The following ANKRD13B variants were observed in gnomAD, a reference collection of about 807,000 sequenced individuals.
ANKRD13B encodes ankyrin repeat domain-containing protein 13B.
ANKRD13B carries 33 observed loss-of-function variants against 74.4 expected under a neutral mutation model. The ratio of observed to expected loss-of-function variants is 0.44; its 90% CI spans 0.34 to 0.59. The LOEUF (loss-of-function observed/expected upper bound fraction) is 0.59, where lower values mean the gene tolerates loss of function less well. ANKRD13B is among the 20% of genes least tolerant of loss of function. The probability of loss-of-function intolerance (pLI) is 0.02; values close to 1 mark genes in which losing one functional copy is unlikely to be tolerated. For missense variants in ANKRD13B, 676 were observed against 877.9 expected, an observed-to-expected ratio of 0.77 and a Z score of 2.91; for synonymous variants, 341 against 362.9, an observed-to-expected ratio of 0.94 and a Z score of 0.68.
chr17:29,612,598 G>C lies in ANKRD13B; in HGVS notation c.1411+44G>C. 1.3e-6 allele frequency: 2 copies of C among 1,523,774 alleles called. No homozygotes were observed. Among genetic ancestry groups the C allele is most frequent in the Non-Finnish European group, 1.8e-6 (2 of 1,137,660 alleles). 94.4% of individuals were successfully genotyped at this position (1,523,774 alleles called of 1,614,324 possible). A position where few individuals can be genotyped will look rare whatever the true frequency, so the allele number is the denominator to read the frequency against. On this transcript the variant is annotated intron_variant, in intron 12 of 14. Transcript: ENST00000394859. The surrounding 1 kb of genome is among the most constrained non-coding windows in gnomAD (Gnocchi z 6.1). ...ACGCCTGCCCCTCGGCTCTCCCCGG[G>C]GTGGGTGGGAGGGGCGCGCCCGGCC...
rs1241023447 is a variant in ANKRD13B at position 29,614,362 on chromosome 17, C to G, written c.*780C>G. Reference sequence around the variant, plus strand: ...TATTGGGCTGGGGTAAGCACTAGACCCAAGTAGACTGGACACAAAGGGCTC... The same window carrying G: ...TATTGGGCTGGGGTAAGCACTAGACGCAAGTAGACTGGACACAAAGGGCTC... On this transcript the variant is annotated 3_prime_UTR_variant, in exon 15 of 15. Coordinates refer to ENST00000394859, the MANE Select transcript of ANKRD13B (RefSeq NM_152345.5). 6.6e-6 allele frequency: 1 copy of G among 152,346 alleles called. No homozygotes were observed. Among genetic ancestry groups the G allele is most frequent in the Non-Finnish European group, 1.5e-5 (1 of 68,098 alleles). 9.4% of individuals were successfully genotyped at this position (152,346 alleles called of 1,614,324 possible).
chr17:29,605,805 A>G (rs2150890426), intron 1 of ANKRD13B, among the ~76,000 whole-genome samples: 1 of 152,084 alleles, frequency 6.6e-6, no homozygotes, highest in East Asian at 1.9e-4. Context: ...CTCATTGTTT[A>G]TGGTGGCAGA....
chr17:29,610,190 T>TAA (rs770944356), intron 7 of ANKRD13B, among the ~76,000 whole-genome samples: 9 of 95,520 alleles, frequency 9.4e-5, no homozygotes, highest in Non-Finnish European at 8.4e-5. Flanking sequence ...AGACTCCATC[T>TAA]AAAAAAAAAA....
Position 29,612,689 on chromosome 17 carries a change from C to T in ANKRD13B, c.1449C>T (p.Phe483=), listed in dbSNP as rs1336820028. Residue 483 remains phenylalanine (F), a synonymous_variant, in exon 13 of 15, where the codon TTC becomes TTT. Transcript: ENST00000394859. The surrounding 1 kb of genome is among the most constrained non-coding windows in gnomAD (Gnocchi z 6.1). The stretch of plus-strand genomic sequence containing the variant: ...GCTGCGAGATCTCCCCAGCGTTGTT[C>T]GAGGCCCCGCGCGGCTACAGCATGA... ...CRGCEISPAL[F]EAPRGYSMMG... The T allele has an allele frequency of 6.3e-7, 1 of 1,589,996 alleles. No individual in the cohort carries two copies. Among genetic ancestry groups the T allele is most frequent in the South Asian group, 1.1e-5 (1 of 88,656 alleles).
Position 29,608,551 on chromosome 17 carries a change from A to C in ANKRD13B, c.422-300A>C. 1 of 574,412 alleles carries C rather than the reference A, an allele frequency of 1.7e-6. No homozygotes were observed. Among genetic ancestry groups the C allele is most frequent in the South Asian group, 2.3e-5 (1 of 44,222 alleles). 35.6% of individuals were successfully genotyped at this position (574,412 alleles called of 1,614,324 possible). On this transcript the variant is annotated intron_variant, in intron 4 of 14. Transcript: ENST00000394859. The surrounding 1 kb of genome is among the most constrained non-coding windows in gnomAD (Gnocchi z 6.4). ...TGTATTCCCAGTGGCTGGAACACTC[A>C]GTAGGTGTTTCATAAATATTTGTTG...
intron 1 of ANKRD13B, among the ~76,000 whole-genome samples, chr17:29,597,560 G>T (rs975799739): frequency 1.3e-5 from 2 of 152,166 alleles, no homozygotes; most frequent in Non-Finnish European, 2.9e-5. Context: ...CGTTCTCTTG[G>T]TGGGGAGGGC....
chr17:29,593,698 G>T lies in ANKRD13B; in HGVS notation c.77G>T (p.Arg26Leu). The change falls in exon 1 of 15, where the codon CGC becomes CTC. Residue 26 changes from arginine (R) to leucine (L), a missense_variant. By Grantham distance (102) the Arg-to-Leu change is moderately radical (BLOSUM62 -2). Coordinates refer to ENST00000394859, the MANE Select transcript of ANKRD13B (RefSeq NM_152345.5). ...YPLHYLVWHNRHRELEKEVRA... is the reference protein window; with the variant it reads ...YPLHYLVWHNLHRELEKEVRA... ...CTGCACTACCTCGTGTGGCACAACCGCCACCGCGAGCTGGAGAAGGAGGTC... is the reference window on the plus strand; with the variant it reads ...CTGCACTACCTCGTGTGGCACAACCTCCACCGCGAGCTGGAGAAGGAGGTC... 6.9e-7 allele frequency: 1 copy of T among 1,439,392 alleles called. No individual in the cohort carries two copies. Among genetic ancestry groups the T allele is most frequent in the Non-Finnish European group, 9.2e-7 (1 of 1,087,094 alleles). 89.2% of individuals were successfully genotyped at this position (1,439,392 alleles called of 1,614,324 possible).
chr17:29,611,172 C>T lies in ANKRD13B; in HGVS notation c.904+406C>T, dbSNP rs1347510725. The stretch of plus-strand genomic sequence containing the variant: ...TTCTCTGGGTACCAGATACCGTGTC[C>T]GAGGTGAAAAAGCATAATTTCTACC... On this transcript the variant is annotated intron_variant, in intron 8 of 14. Transcript: ENST00000394859. The surrounding 1 kb of genome is among the most constrained non-coding windows in gnomAD (Gnocchi z 4.3). Among the ~76,000 whole-genome samples, 3 of 152,074 alleles carry T rather than the reference C, an allele frequency of 2.0e-5. No homozygotes were observed. The highest frequency in any genetic ancestry group is 4.4e-5 in the Non-Finnish European group (3 of 68,022).
Position 29,612,335 on chromosome 17 carries a change from C to A in ANKRD13B, c.1258+62C>A, listed in dbSNP as rs936413691. On this transcript the variant is annotated intron_variant, in intron 11 of 14. Transcript: ENST00000394859. This position sits in a 1 kb window ranked among gnomAD's most constrained non-coding sequence, Gnocchi z 6.1. The stretch of plus-strand genomic sequence containing the variant: ...GGGCCGACCGGGGTTTAGATGAGGT[C>A]GGGGTGGGGCTGAGGCTGAGGTGTG... 7.4e-6 allele frequency: 12 copies of A among 1,610,968 alleles called. No homozygotes were observed. The highest frequency in any genetic ancestry group is 1.0e-5 in the Non-Finnish European group (12 of 1,177,870).
At chr17:29,601,913 T>G (rs1317300001) in intron 1 of ANKRD13B, among the ~76,000 whole-genome samples, 2 of 152,242 alleles carry the variant, frequency 1.3e-5, no homozygotes, top group Non-Finnish European at 2.9e-5. Context: ...CCATACATAA[T>G]GGACCTCATT....
rs368225471 is a variant in ANKRD13B, at chr17:29,609,766, G to A, written c.822+345G>A. 1.3e-5 allele frequency among the ~76,000 whole-genome samples: 2 copies of A among 152,110 alleles called. No homozygotes were observed. Among genetic ancestry groups the A allele is most frequent in the African/African-American group, 4.8e-5 (2 of 41,416 alleles). On this transcript the variant is annotated intron_variant, in intron 7 of 14. Coordinates refer to ENST00000394859, the MANE Select transcript of ANKRD13B (RefSeq NM_152345.5). This position sits in a 1 kb window ranked among gnomAD's most constrained non-coding sequence, Gnocchi z 4.0. Reference sequence around the variant, plus strand: ...ACAACCCCAGGAAGTAGGGATGATCGGTCCATTTTATGATGAGGAAATAGA... The same window carrying A: ...ACAACCCCAGGAAGTAGGGATGATCAGTCCATTTTATGATGAGGAAATAGA...
At chr17:29,595,654 AC>A (rs2033926979) in intron 1 of ANKRD13B, among the ~76,000 whole-genome samples, 1 of 152,082 alleles carries the variant, frequency 6.6e-6, no homozygotes, top group African/African-American at 2.4e-5. Context: ...TGCCTCAGAA[AC>A]AAGGTCCCAG....
rs181271605 is a variant in ANKRD13B, at chr17:29,595,750, G to C, written c.114+2015G>C. 4.7e-3 allele frequency among the ~76,000 whole-genome samples: 715 copies of C among 152,270 alleles called. 6 individuals carry two copies. Among genetic ancestry groups the C allele is most frequent in the South Asian group, 4.1e-3 (20 of 4,826 alleles). ...CTGGATCCAGGCCAGGGGGAATATA[G>C]GGCACTGGTGGAGGTTAACCCTTGT... On this transcript the variant is annotated intron_variant, in intron 1 of 14. Transcript: ENST00000394859.
At chr17:29,599,186 C>T (rs1257656656) in intron 1 of ANKRD13B, among the ~76,000 whole-genome samples, 1 of 152,136 alleles carries the variant, frequency 6.6e-6, no homozygotes, top group African/African-American at 2.4e-5. Context: ...CTGGAGGATC[C>T]TGGAGAACGT....
rs111684891 is a variant in ANKRD13B at position 29,610,656 on chromosome 17, T to C, written c.823-29T>C. The C allele has an allele frequency of 3.0e-3, 4,821 of 1,610,804 alleles. 68 individuals are homozygous for C. The African/African-American group carries it at 0.039, about 13-fold the overall frequency. ...AGACACAGGGTAAGACCAGAACTGC[T>C]TATGAGCCCTTTCTTCATCTGTCCC... On this transcript the variant is annotated intron_variant, in intron 7 of 14. Coordinates refer to ENST00000394859, the MANE Select transcript of ANKRD13B (RefSeq NM_152345.5).
chr17:29,599,874 T>TTTTTG (rs2034095836), intron 1 of ANKRD13B, among the ~76,000 whole-genome samples: 1 of 116,818 alleles, frequency 8.6e-6, no homozygotes, highest in African/African-American at 3.8e-5. Context: ...TGTTTTTTTT[T>TTTTTG]TTTTTTTTTT....
At chr17:29,606,535 G>A (rs937774806) in intron 1 of ANKRD13B, among the ~76,000 whole-genome samples, 11 of 151,628 alleles carry the variant, frequency 7.3e-5, no homozygotes, top group African/African-American at 2.7e-4. Flanking sequence ...TCTAGCCTGG[G>A]TGACACAGTG....
In ANKRD13B at chr17:29,612,566, C is replaced by T; in HGVS notation, c.1411+12C>T. On this transcript the variant is annotated intron_variant, in intron 12 of 14. Coordinates refer to ENST00000394859, the MANE Select transcript of ANKRD13B (RefSeq NM_152345.5). This position sits in a 1 kb window ranked among gnomAD's most constrained non-coding sequence, Gnocchi z 6.1. ...CTCCAGCTCCACGAGTGAGGCCCCC[C>T]GCGAGAACGCCTGCCCCTCGGCTCT... The T allele has an allele frequency of 1.3e-6, 2 of 1,529,604 alleles. No individual in the cohort carries two copies. The highest frequency in any genetic ancestry group is 1.8e-6 in the Non-Finnish European group (2 of 1,137,598). 94.8% of individuals were successfully genotyped at this position (1,529,604 alleles called of 1,614,324 possible).
rs570041164 is a variant in ANKRD13B, at chr17:29,610,762, C to T, written c.900C>T (p.Val300=). 5 of 1,613,806 alleles carry T rather than the reference C, an allele frequency of 3.1e-6. No homozygotes were observed. In the Admixed American group the frequency reaches 6.7e-5, roughly 22 times the overall value. ...EHLSEQHKGK[V]KGCKTPLQSF... ...TTTCAGAACAGCACAAGGGCAAGGT[C>T]AAAGGTAATGAGGCAGAGCTGGATG... Residue 300 remains valine, a synonymous_variant, in exon 8 of 15, where the codon GTC becomes GTT. Coordinates refer to ENST00000394859, the MANE Select transcript of ANKRD13B (RefSeq NM_152345.5).
Sources: gnomAD v4.1 joint callset for allele counts (sites outside exome capture counted in the v4.1 genomes callset) on GRCh38, gnomAD v4.1.1 for gene constraint, Gnocchi (gnomAD v3.1) non-coding constraint, MANE v1.5 for transcripts, NCBI Gene and HGNC (gene_info 2026-07-23, HGNC 2026-07-21) for gene names.